The following RAPGEF4 variants were observed in gnomAD, a reference collection of about 807,000 sequenced individuals.
RAPGEF4 encodes the protein Rap guanine nucleotide exchange factor 4.
A neutral mutation model predicts 147.9 loss-of-function variants in RAPGEF4; 66 were observed. That is an observed-to-expected ratio of 0.45 (90% CI 0.37 to 0.55). RAPGEF4 has a LOEUF of 0.55. RAPGEF4 is among the 20% of genes least tolerant of loss of function. RAPGEF4 has a pLI of 0.00. For synonymous variants in RAPGEF4, 419 were observed against 442.7 expected (o/e 0.95, Z 0.67); for missense variants, 1,071 against 1,257.3 (o/e 0.85, Z 2.24).
At chr2:173,005,456 GT>G (rs1694335441) in intron 17 of RAPGEF4, among the ~76,000 whole-genome samples, 1 of 147,398 alleles carries the variant, frequency 6.8e-6, no homozygotes. Flanking sequence ...TCCAACACCA[GT>G]TCTCCAAATG....
intron 10 of RAPGEF4, among the ~76,000 whole-genome samples, chr2:172,974,518 T>C (rs926339406): frequency 1.3e-4 from 20 of 152,040 alleles, no homozygotes; most frequent in African/African-American, 4.3e-4. Flanking sequence ...AACCCATCTC[T>C]ACAAAAAATA....
chr2:172,886,630 G>A, intron 4 of RAPGEF4, among the ~76,000 whole-genome samples: 1 of 151,792 alleles, frequency 6.6e-6, no homozygotes, highest in Middle Eastern at 3.4e-3. Flanking sequence ...GACCTGGAGT[G>A]TGTGGTACCC....
intron 4 of RAPGEF4, among the ~76,000 whole-genome samples, chr2:172,915,703 CAAA>C (rs10676347): frequency 8.8e-6 from 1 of 113,858 alleles, no homozygotes; most frequent in African/African-American, 3.4e-5. Flanking sequence ...GACCCTGTCT[CAAA>C]AAAAAAAAAA....
chr2:172,833,168 C>T (rs922918180), intron 4 of RAPGEF4, among the ~76,000 whole-genome samples: 1 of 146,824 alleles, frequency 6.8e-6, no homozygotes, highest in African/African-American at 2.5e-5. Flanking sequence ...CACGCCATTG[C>T]ACTCCAGCCT....
intron 16 of RAPGEF4, among the ~76,000 whole-genome samples, 153 bp downstream of exon 16, chr2:172,996,707 G>A (rs1213888716): frequency 1.3e-5 from 2 of 152,140 alleles, no homozygotes; most frequent in East Asian, 3.9e-4. Context: ...GACCTGACTG[G>A]GAACAGTCCT....
At chr2:173,049,675 T>TAAG (rs201832027) in intron 30 of RAPGEF4, among the ~76,000 whole-genome samples, 1,829 of 152,262 alleles carry the variant, frequency 0.012, 22 homozygotes, top group Middle Eastern at 0.024. Context: ...AGGAAAAATA[T>TAAG]AAGAAAAATG....
At chr2:172,877,680 C>T (rs1354835928) in intron 4 of RAPGEF4, among the ~76,000 whole-genome samples, 1 of 152,124 alleles carries the variant, frequency 6.6e-6, no homozygotes, top group African/African-American at 2.4e-5. Context: ...CTAGACCGGC[C>T]TCTCAGATAA....
In RAPGEF4 at chr2:172,985,448, G is replaced by T; in HGVS notation, c.1105G>T (p.Ala369Ser). 4 of 1,614,016 alleles carry T rather than the reference G, an allele frequency of 2.5e-6. No individual in the cohort carries two copies. Among genetic ancestry groups the T allele is most frequent in the South Asian group, 1.1e-5 (1 of 91,048 alleles). Residue 369 changes from alanine to serine, a missense_variant, in exon 12 of 31, where the codon GCA becomes TCA. Transcript: ENST00000397081. The stretch of plus-strand genomic sequence containing the variant: ...TTTCTTCTAGGTGAAACGAGAGTTA[G>T]CAGGTGTTCTCATTTTTGAGTCTCA... ...HLSTTVKREL[A>S]GVLIFESHAK...
intron 4 of RAPGEF4, among the ~76,000 whole-genome samples, chr2:172,905,634 C>T (rs571259507): frequency 4.6e-5 from 7 of 152,290 alleles, no homozygotes; most frequent in African/African-American, 1.2e-4. Flanking sequence ...GTCAGGGGCT[C>T]TTATGTGATT....
intron 4 of RAPGEF4, among the ~76,000 whole-genome samples, chr2:172,866,791 A>G (rs544412030): frequency 1.3e-3 from 195 of 152,038 alleles, no homozygotes; most frequent in Non-Finnish European, 2.4e-3. Context: ...ACCACCACCA[A>G]TTTTGTTGTA....
intron 1 of RAPGEF4, among the ~76,000 whole-genome samples, chr2:172,782,282 T>C (rs1487555968): frequency 6.6e-6 from 1 of 152,262 alleles, no homozygotes; most frequent in African/African-American, 2.4e-5. Flanking sequence ...TAGTCCTGGC[T>C]GTGCATGCTG....
intron 4 of RAPGEF4, among the ~76,000 whole-genome samples, chr2:172,887,995 G>A (rs905319664): frequency 1.3e-5 from 2 of 152,044 alleles, no homozygotes; most frequent in Non-Finnish European, 2.9e-5. Flanking sequence ...ACATTCTTGT[G>A]TTTATCTCCT....
intron 4 of RAPGEF4, among the ~76,000 whole-genome samples, chr2:172,823,852 G>A (rs926273328): frequency 9.2e-5 from 14 of 152,192 alleles, no homozygotes; most frequent in African/African-American, 3.4e-4. Flanking sequence ...CTGAGATTCT[G>A]GTCTATTCTT....
intron 4 of RAPGEF4, among the ~76,000 whole-genome samples, chr2:172,884,343 G>A (rs900307942): frequency 6.6e-6 from 1 of 152,222 alleles, no homozygotes; most frequent in Non-Finnish European, 1.5e-5. Flanking sequence ...CAGCAGGGAG[G>A]TAGATTGATT....
At chr2:172,938,214 T>TACAC (rs57780996) in intron 6 of RAPGEF4, among the ~76,000 whole-genome samples, 76,985 of 148,088 alleles carry the variant, frequency 0.52, 20,774 homozygotes, top group East Asian at 0.67. Context: ...TATCTGTAAG[T>TACAC]ACACACACAC....
chr2:172,947,395 C>T (rs1201181536), intron 6 of RAPGEF4, among the ~76,000 whole-genome samples: 1 of 152,110 alleles, frequency 6.6e-6, no homozygotes, highest in Non-Finnish European at 1.5e-5. Flanking sequence ...TTGACATTTG[C>T]AATCAGTATT....
intron 6 of RAPGEF4, chr2:172,928,398 G>C: frequency 2.9e-6 from 1 of 341,396 alleles, no homozygotes; most frequent in Non-Finnish European, 5.8e-6. Flanking sequence ...CCATCTAAAT[G>C]GTAAATAGGA....
intron 19 of RAPGEF4, among the ~76,000 whole-genome samples, chr2:173,016,894 T>C (rs1187827316): frequency 6.6e-6 from 1 of 152,226 alleles, no homozygotes; most frequent in African/African-American, 2.4e-5. Flanking sequence ...TTAAATGCAG[T>C]ATCAGAGAGT....
chr2:172,765,624 T>G (rs1180258944), intron 1 of RAPGEF4, among the ~76,000 whole-genome samples: 5 of 152,192 alleles, frequency 3.3e-5, no homozygotes, highest in Admixed American at 3.3e-4. Context: ...TGTGGGATGC[T>G]GAAGTTTTAT....
Sources: allele counts gnomAD v4.1 joint callset (sites outside exome capture counted in the v4.1 genomes callset), GRCh38; gene constraint gnomAD v4.1.1; transcripts MANE v1.5; gene names NCBI Gene and HGNC (gene_info 2026-07-23, HGNC 2026-07-21).